The following STK32B variants were observed in gnomAD, a reference collection of about 807,000 sequenced individuals.
The protein encoded by STK32B is serine/threonine-protein kinase 32B.
In STK32B, 43 loss-of-function variants were observed where a neutral mutation model predicts 52.6. The observed-to-expected ratio is 0.82, with a 90% confidence interval of 0.64 to 1.05. The LOEUF (loss-of-function observed/expected upper bound fraction) is 1.05, where lower values mean the gene tolerates loss of function less well. STK32B is among the 50% of genes least tolerant of loss of function. STK32B has a pLI of 0.00. For synonymous variants in STK32B, 238 were observed against 204.3 expected, an observed-to-expected ratio of 1.17 and a Z score of -1.41; for missense variants, 621 against 534.6, an observed-to-expected ratio of 1.16 and a Z score of -1.59.
At chr4:5,256,615 T>A (rs1412281155) in intron 3 of STK32B, among the ~76,000 whole-genome samples, 1 of 152,234 alleles carries the variant, frequency 6.6e-6, no homozygotes, top group Non-Finnish European at 1.5e-5. Flanking sequence ...TAAATGCTCC[T>A]CCACTGCTTT....
intron 3 of STK32B, among the ~76,000 whole-genome samples, chr4:5,330,100 C>T (rs895716638): frequency 1.3e-5 from 2 of 152,198 alleles, no homozygotes; most frequent in African/African-American, 4.8e-5. Flanking sequence ...CTCACACTTA[C>T]AATGACTCAC....
chr4:5,376,166 A>C (rs1179990548), intron 4 of STK32B, among the ~76,000 whole-genome samples: 3 of 152,010 alleles, frequency 2.0e-5, no homozygotes, highest in Non-Finnish European at 4.4e-5. Flanking sequence ...GAGAGCCCAA[A>C]AATCAGAGTT....
intron 3 of STK32B, among the ~76,000 whole-genome samples, chr4:5,314,960 G>A (rs554820472): frequency 1.3e-3 from 204 of 152,234 alleles, no homozygotes; most frequent in African/African-American, 4.6e-3. Context: ...TCATAAAAGT[G>A]AAAATTGATA....
chr4:5,306,651 GGA>G (rs781694392), intron 3 of STK32B, among the ~76,000 whole-genome samples: 11 of 152,190 alleles, frequency 7.2e-5, no homozygotes, highest in Non-Finnish European at 1.6e-4. Context: ...ACATTAGCAT[GGA>G]GACGTGAGGT....
intron 2 of STK32B, among the ~76,000 whole-genome samples, chr4:5,144,784 T>TCATTCATCCATCCATC (rs1553835869): frequency 1.0e-5 from 1 of 95,618 alleles, no homozygotes; most frequent in African/African-American, 3.5e-5. Flanking sequence ...ACTCATTCAC[T>TCATTCATCCATCCATC]CATCCATCCA....
chr4:5,178,064 G>C (rs193184678), intron 3 of STK32B, among the ~76,000 whole-genome samples: 1 of 152,206 alleles, frequency 6.6e-6, no homozygotes, highest in African/African-American at 2.4e-5. Context: ...CTCTGTGTGG[G>C]GGCTCTGCTC....
At chr4:5,117,412 C>T (rs1714791447) in intron 1 of STK32B, among the ~76,000 whole-genome samples, 2 of 151,540 alleles carry the variant, frequency 1.3e-5, no homozygotes, top group Admixed American at 1.3e-4. Context: ...TTTTTTTCTC[C>T]AGCACTGAAT....
chr4:5,192,267 C>T (rs74615006), intron 3 of STK32B, among the ~76,000 whole-genome samples: 2 of 152,322 alleles, frequency 1.3e-5, no homozygotes, highest in African/African-American at 4.8e-5. Flanking sequence ...ATTGAATTCC[C>T]AGCAAGACCC....
intron 2 of STK32B, among the ~76,000 whole-genome samples, chr4:5,157,299 TAA>T (rs59362249): frequency 1.6e-3 from 158 of 101,520 alleles, no homozygotes; most frequent in African/African-American, 1.8e-3. Context: ...TGTGAGGATG[TAA>T]AAAAAAAAAA....
intron 2 of STK32B, among the ~76,000 whole-genome samples, chr4:5,156,456 C>T (rs1717854347): frequency 6.6e-6 from 1 of 152,188 alleles, no homozygotes; most frequent in East Asian, 1.9e-4. Flanking sequence ...TATTTCCACT[C>T]ACCCTCGTCC....
intron 3 of STK32B, 63 bp from the exon 4 acceptor site, chr4:5,331,157 T>C (rs1469735441): frequency 1.4e-6 from 2 of 1,462,972 alleles, no homozygotes; most frequent in Non-Finnish European, 1.8e-6. Flanking sequence ...AATGGAGGCA[T>C]TGGTCTTGAG....
At chr4:5,385,028 G>A (rs771799687) in intron 4 of STK32B, among the ~76,000 whole-genome samples, 6 of 152,202 alleles carry the variant, frequency 3.9e-5, no homozygotes, top group Non-Finnish European at 8.8e-5. Context: ...TGAAACCCTC[G>A]AGTCGTGGTG....
At chr4:5,164,821 C>T (rs1404461800) in intron 2 of STK32B, among the ~76,000 whole-genome samples, 1 of 152,224 alleles carries the variant, frequency 6.6e-6, no homozygotes, top group Non-Finnish European at 1.5e-5. Flanking sequence ...CTGGAAGACC[C>T]ACCCGTTGGA....
At chr4:5,172,532 T>C (rs1719472146) in intron 3 of STK32B, among the ~76,000 whole-genome samples, 1 of 152,188 alleles carries the variant, frequency 6.6e-6, no homozygotes, top group Non-Finnish European at 1.5e-5. Flanking sequence ...TTGTTGAATT[T>C]TGTCAAAGGC....
In STK32B at chr4:5,115,826, C is replaced by T. The variant is rs115796428; in HGVS notation, c.53-24079C>T. Among the ~76,000 whole-genome samples, 506 of 152,264 alleles carry T rather than the reference C, an allele frequency of 3.3e-3. 2 individuals carry two copies. Among genetic ancestry groups the T allele is most frequent in the African/African-American group, 0.011 (455 of 41,542 alleles). On this transcript the variant is annotated intron_variant, in intron 1 of 11. Coordinates refer to ENST00000282908, the MANE Select transcript of STK32B (RefSeq NM_018401.3). ...TGAAGGTCAGATAAAGGTGAAAATG[C>T]TTTCTGAACCAGAGAGAACGACACC...
intron 6 of STK32B, among the ~76,000 whole-genome samples, chr4:5,441,027 T>G (rs1714688983): frequency 6.7e-6 from 1 of 150,202 alleles, no homozygotes; most frequent in Non-Finnish European, 1.5e-5. Context: ...TTGAGGATTT[T>G]TGCATCAATG....
chr4:5,225,448 A>T (rs959202420), intron 3 of STK32B, among the ~76,000 whole-genome samples: 2 of 152,142 alleles, frequency 1.3e-5, no homozygotes, highest in Non-Finnish European at 2.9e-5. Context: ...ATAAAAACTG[A>T]GGAATTTTGA....
intron 3 of STK32B, among the ~76,000 whole-genome samples, chr4:5,188,923 C>T (rs1720961521): frequency 6.6e-6 from 1 of 151,724 alleles, no homozygotes; most frequent in East Asian, 1.9e-4. Context: ...AATGATTAGC[C>T]AATGAGTGCA....
chr4:5,415,187 C>G (rs1712055211), intron 5 of STK32B, among the ~76,000 whole-genome samples: 1 of 152,182 alleles, frequency 6.6e-6, no homozygotes, highest in Non-Finnish European at 1.5e-5. Context: ...ATGCTAAAAG[C>G]AAACACTTAT....
Sources: allele counts gnomAD v4.1 joint callset (sites outside exome capture counted in the v4.1 genomes callset), GRCh38; gene constraint gnomAD v4.1.1; transcripts MANE v1.5; gene names NCBI Gene and HGNC (gene_info 2026-07-23, HGNC 2026-07-21).